TRIM33: variants seen among roughly 807,000 people sequenced by gnomAD.
TRIM33 encodes E3 ubiquitin-protein ligase TRIM33.
In TRIM33, 20 loss-of-function variants were observed where a neutral mutation model predicts 125.4. The observed-to-expected ratio is 0.16, with a 90% CI of 0.11 to 0.23. The LOEUF is 0.23. Among genes scored for constraint, TRIM33 ranks in the 10% least tolerant of loss-of-function variants. The pLI, the probability that TRIM33 is intolerant of heterozygous loss-of-function variation, is 1.00. For synonymous variants in TRIM33, 564 were observed against 513.9 expected (o/e 1.10, Z -1.32); for missense variants, 920 against 1,411.4 (o/e 0.65, Z 5.58).
chr1:114,414,044 C>A (rs1283466209), intron 11 of TRIM33, among the ~76,000 whole-genome samples: 1 of 150,542 alleles, frequency 6.6e-6, no homozygotes, highest in Non-Finnish European at 1.5e-5. Flanking sequence ...CACACACACA[C>A]ACACACACAC....
At chr1:114,468,386 G>A (rs982142589) in intron 1 of TRIM33, 2 of 335,228 alleles carry the variant, frequency 6.0e-6, no homozygotes. Context: ...CAGTCCTTTA[G>A]TTAGAGGAGG....
In TRIM33 at chr1:114,510,533, G is replaced by T; in HGVS notation, c.526+18C>A. 6.9e-7 allele frequency: 1 copy of T among 1,457,628 alleles called. No homozygotes were observed. The highest frequency in any genetic ancestry group is 9.0e-7 in the Non-Finnish European group (1 of 1,105,974). The allele number at this position is 1,457,628 out of a possible 1,614,324, so 90.3% of individuals were successfully genotyped here. On this transcript the variant is annotated intron_variant, in intron 1 of 19. Transcript: ENST00000358465. ...AAATCCCTTGCGGCCCAGATGCCAG[G>T]CAGGGCCTCCGGCTCACCTTGCTGG...
At chr1:114,453,113 C>T (rs1000489251) in intron 4 of TRIM33, among the ~76,000 whole-genome samples, 6 of 152,122 alleles carry the variant, frequency 3.9e-5, no homozygotes, top group African/African-American at 1.4e-4. Flanking sequence ...CCTGTAATCG[C>T]AGCACTTTGG....
At position 114,420,493 on chromosome 1, in the gene TRIM33, A is replaced by C. The variant is rs573898830; in HGVS notation, c.2061+943T>G. 208 of 1,018,686 alleles carry C rather than the reference A, an allele frequency of 2.0e-4. 1 individual carries two copies. Among genetic ancestry groups the C allele is most frequent in the Non-Finnish European group, 2.8e-4 (199 of 719,786 alleles). The allele number at this position is 1,018,686 out of a possible 1,614,324, so 63.1% of individuals were successfully genotyped here. On this transcript the variant is annotated intron_variant, in intron 11 of 19. Transcript: ENST00000358465. ...AAGGGAGTAACTAGCCTTTTAGCAA[A>C]AGTGATATTAATCCACCATTATTGT...
At position 114,430,916 on chromosome 1, in the gene TRIM33, A is replaced by G; in HGVS notation, c.1041-4T>C. 7.0e-7 allele frequency: 1 copy of G among 1,434,614 alleles called. No homozygotes were observed. The highest frequency in any genetic ancestry group is 9.8e-7 in the Non-Finnish European group (1 of 1,017,200). 88.9% of individuals were successfully genotyped at this position (1,434,614 alleles called of 1,614,324 possible). ...AGTCTCATTTACTTCTTTTATCCTG[A>G]ATAAGAGAAATGCATCATTAGGTTA... On this transcript the variant is annotated splice_polypyrimidine_tract_variant and splice_region_variant and intron_variant, in intron 5 of 19. Coordinates refer to ENST00000358465, the MANE Select transcript of TRIM33 (RefSeq NM_015906.4).
intron 1 of TRIM33, among the ~76,000 whole-genome samples, chr1:114,476,935 CAA>C (rs1376233842): frequency 3.3e-5 from 5 of 152,156 alleles, no homozygotes; most frequent in Admixed American, 6.5e-5. Context: ...CAATCTAGAA[CAA>C]AAGAGTGAAA....
chr1:114,482,317 T>C (rs1441769365), intron 1 of TRIM33, among the ~76,000 whole-genome samples: 1 of 152,104 alleles, frequency 6.6e-6, no homozygotes, highest in African/African-American at 2.4e-5. Context: ...ATGCCCCTCA[T>C]TAAGCTCGAA....
At chr1:114,457,223 T>G (rs1450525550) in intron 4 of TRIM33, among the ~76,000 whole-genome samples, 1 of 152,182 alleles carries the variant, frequency 6.6e-6, no homozygotes, top group African/African-American at 2.4e-5. Flanking sequence ...TGATCCGCCA[T>G]GATTTTGTCC....
At chr1:114,509,530 G>C (rs1480732585) in intron 1 of TRIM33, among the ~76,000 whole-genome samples, 1 of 152,172 alleles carries the variant, frequency 6.6e-6, no homozygotes, top group East Asian at 1.9e-4. Flanking sequence ...AAGAGTTTAA[G>C]AGACTGTGAA....
Position 114,510,992 on chromosome 1 carries a change from G to GCCCGGCGGC in TRIM33, c.76_84dup (p.Ala26_Gly28dup). 1.5e-6 allele frequency: 2 copies of GCCCGGCGGC among 1,333,448 alleles called. No homozygotes were observed. Among genetic ancestry groups the GCCCGGCGGC allele is most frequent in the African/African-American group, 1.5e-5 (1 of 64,982 alleles). The allele number at this position is 1,333,448 out of a possible 1,614,324, so 82.6% of individuals were successfully genotyped here. On this transcript the variant is annotated inframe_insertion, in exon 1 of 20. Coordinates refer to ENST00000358465, the MANE Select transcript of TRIM33 (RefSeq NM_015906.4). ...GGCGGCTCCGCCTCCTGCGCGGCGG[G>GCCCGGCGGC]CCCGGCGGCCCCGGCAGTTACCGGC...
At chr1:114,457,132 C>T (rs1168769684) in intron 4 of TRIM33, among the ~76,000 whole-genome samples, 1 of 152,142 alleles carries the variant, frequency 6.6e-6, no homozygotes, top group East Asian at 1.9e-4. Context: ...AAAAAGAGGC[C>T]TACATTTCAA....
chr1:114,495,533 G>C (rs77195557), intron 1 of TRIM33, among the ~76,000 whole-genome samples: 7,189 of 152,090 alleles, frequency 0.047, 552 homozygotes, highest in African/African-American at 0.16. Flanking sequence ...TATCTTTAAC[G>C]TAAGATAAAA....
chr1:114,445,684 T>A (rs544405788), intron 4 of TRIM33, among the ~76,000 whole-genome samples: 29 of 151,804 alleles, frequency 1.9e-4, no homozygotes, highest in Non-Finnish European at 2.9e-4. Context: ...AAAGAGGAAA[T>A]CTTGAAAGCA....
At chr1:114,401,777 T>C (rs114965036) in intron 16 of TRIM33, among the ~76,000 whole-genome samples, 2 of 152,332 alleles carry the variant, frequency 1.3e-5, no homozygotes, top group African/African-American at 2.4e-5. Context: ...AATAAATAAG[T>C]AAATAAATTA....
intron 11 of TRIM33, among the ~76,000 whole-genome samples, chr1:114,421,027 G>A (rs989547658): frequency 1.3e-5 from 2 of 151,888 alleles, no homozygotes; most frequent in African/African-American, 4.8e-5. Context: ...CATATACAAT[G>A]GAATATACTA....
At chr1:114,497,662 C>G (rs114031632) in intron 1 of TRIM33, among the ~76,000 whole-genome samples, 1 of 151,976 alleles carries the variant, frequency 6.6e-6, no homozygotes, top group Non-Finnish European at 1.5e-5. Flanking sequence ...ATATAAAAAT[C>G]ATTCTTGGCT....
chr1:114,424,499 C>T (rs1647423257), intron 10 of TRIM33, 92 bp downstream of exon 10: 1 of 1,157,636 alleles, frequency 8.6e-7, no homozygotes, highest in Non-Finnish European at 1.2e-6. Context: ...TTCTCAAACA[C>T]ATCAATGACC....
chr1:114,459,163 C>T (rs980743616), intron 4 of TRIM33, among the ~76,000 whole-genome samples: 6 of 152,046 alleles, frequency 3.9e-5, no homozygotes, highest in African/African-American at 1.2e-4. Context: ...ACTCCCAGAC[C>T]CATCAGGATG....
chr1:114,497,505 T>G (rs1652441726), intron 1 of TRIM33, among the ~76,000 whole-genome samples: 1 of 152,086 alleles, frequency 6.6e-6, no homozygotes, highest in African/African-American at 2.4e-5. Flanking sequence ...TTCACCACAT[T>G]GGCGAGGCTT....
Sources: allele counts gnomAD v4.1 joint callset (sites outside exome capture counted in the v4.1 genomes callset), GRCh38; gene constraint gnomAD v4.1.1; transcripts MANE v1.5; gene names NCBI Gene and HGNC (gene_info 2026-07-23, HGNC 2026-07-21).